Variants in CACNG2 observed in about 807,000 individuals in gnomAD.
The protein encoded by CACNG2 is voltage-dependent calcium channel gamma-2 subunit.
CACNG2 carries 3 observed loss-of-function variants against 25.9 expected under a neutral mutation model. The ratio of observed to expected loss-of-function variants is 0.12; its 90% CI spans 0.05 to 0.30. The LOEUF is 0.30. CACNG2 is among the 10% of genes least tolerant of loss of function. The pLI, the probability that CACNG2 is intolerant of heterozygous loss-of-function variation, is 1.00. For synonymous variants in CACNG2, 167 were observed against 173.3 expected, an observed-to-expected ratio of 0.96 and a Z score of 0.29; for missense variants, 341 against 432.5, an observed-to-expected ratio of 0.79 and a Z score of 1.88.
intron 1 of CACNG2, among the ~76,000 whole-genome samples, chr22:36,687,197 CT>C (rs1937212318): frequency 6.6e-6 from 1 of 152,174 alleles, no homozygotes; most frequent in African/African-American, 2.4e-5. Context: ...GAGCAGGGGT[CT>C]GCATTGTTAA....
chr22:36,567,321 G>C (rs1030044231), intron 2 of CACNG2, among the ~76,000 whole-genome samples: 1 of 152,148 alleles, frequency 6.6e-6, no homozygotes, highest in African/African-American at 2.4e-5. Flanking sequence ...TGGGTCGTGA[G>C]ACAAGGACTG....
chr22:36,593,380 TGAGGGAGTCG>T (rs1935626492), intron 1 of CACNG2, among the ~76,000 whole-genome samples: 1 of 151,996 alleles, frequency 6.6e-6, no homozygotes, highest in African/African-American at 2.4e-5. Flanking sequence ...GCGGCGGCCA[TGAGGGAGTCG>T]GACAGGTAGG....
At position 36,563,861 on chromosome 22, in the gene CACNG2, A is replaced by G. The variant is rs1329276780; in HGVS notation, c.*490T>C. 1 of 147,380 alleles carries G rather than the reference A, an allele frequency of 6.8e-6. No homozygotes were observed. The highest frequency in any genetic ancestry group is 1.5e-5 in the Non-Finnish European group (1 of 66,634). The allele number at this position is 147,380 out of a possible 1,614,324, so 9.1% of individuals were successfully genotyped here. A position where few individuals can be genotyped will look rare whatever the true frequency, so the allele number is the denominator to read the frequency against. On this transcript the variant is annotated 3_prime_UTR_variant, in exon 4 of 4. Transcript: ENST00000300105. The stretch of plus-strand genomic sequence containing the variant: ...CCCCGAGTTAAAAAAAAAAAAAAAA[A>G]GTAACATAAACCCTGAAAAATACAA...
intron 1 of CACNG2, among the ~76,000 whole-genome samples, chr22:36,641,830 A>G (rs925780637): frequency 6.6e-6 from 1 of 152,198 alleles, no homozygotes; most frequent in East Asian, 1.9e-4. Context: ...AAGTACCAAT[A>G]TTTCTGTGGA....
intron 1 of CACNG2, among the ~76,000 whole-genome samples, chr22:36,622,867 G>A (rs570423055): frequency 2.0e-5 from 3 of 151,510 alleles, no homozygotes; most frequent in African/African-American, 4.8e-5. Context: ...GCTGAGGCAC[G>A]AGAATCGCTT....
chr22:36,562,468 GGTGT>G lies in CACNG2; in HGVS notation c.*1879_*1882del, dbSNP rs143982749. 1.3e-5 allele frequency: 2 copies of G among 150,314 alleles called. No homozygotes were observed. Among genetic ancestry groups the G allele is most frequent in the East Asian group, 2.0e-4 (1 of 5,116 alleles). The allele number at this position is 150,314 out of a possible 1,614,324, so 9.3% of individuals were successfully genotyped here. On this transcript the variant is annotated 3_prime_UTR_variant, in exon 4 of 4. Coordinates refer to ENST00000300105, the MANE Select transcript of CACNG2 (RefSeq NM_006078.5). ...GGGTGCCCTTCCCATGCATGCGAGT[GGTGT>G]GTGTGTGTGTGTGGGTATGTGTGCG...
intron 1 of CACNG2, among the ~76,000 whole-genome samples, chr22:36,624,326 T>A (rs1471403597): frequency 6.6e-6 from 1 of 152,148 alleles, no homozygotes. Flanking sequence ...ACTGACTGCA[T>A]GCCAGGCACC....
chr22:36,563,377 G>T lies in CACNG2; in HGVS notation c.*974C>A, dbSNP rs1268192782. On this transcript the variant is annotated 3_prime_UTR_variant, in exon 4 of 4. Coordinates refer to ENST00000300105, the MANE Select transcript of CACNG2 (RefSeq NM_006078.5). ...TGTTTCATGTCCCCCGGGGGGGGGGGTGGCATCTCCTGACCCCAAGGACAG... is the reference window on the plus strand; with the variant it reads ...TGTTTCATGTCCCCCGGGGGGGGGGTTGGCATCTCCTGACCCCAAGGACAG... Among the ~76,000 whole-genome samples, 3 of 140,254 alleles carry T rather than the reference G, an allele frequency of 2.1e-5. No homozygotes were observed. Among genetic ancestry groups the T allele is most frequent in the Non-Finnish European group, 4.6e-5 (3 of 64,562 alleles). 92.0% of individuals were successfully genotyped at this position (140,254 alleles called of 152,430 possible). A position where few individuals can be genotyped will look rare whatever the true frequency, so the allele number is the denominator to read the frequency against.
intron 1 of CACNG2, among the ~76,000 whole-genome samples, chr22:36,657,743 G>A (rs1423683364): frequency 6.6e-6 from 1 of 152,018 alleles, no homozygotes; most frequent in Non-Finnish European, 1.5e-5. Context: ...GGCGTAATGA[G>A]CAAAAGTGTC....
chr22:36,678,614 C>T (rs1387105989), intron 1 of CACNG2, among the ~76,000 whole-genome samples: 1 of 151,022 alleles, frequency 6.6e-6, no homozygotes, highest in Non-Finnish European at 1.5e-5. Flanking sequence ...TCCCCCAGCA[C>T]ATGCGATAAC....
At chr22:36,585,603 G>T (rs1935489299) in intron 2 of CACNG2, 1 of 152,190 alleles carries the variant, frequency 6.6e-6, no homozygotes, top group East Asian at 1.9e-4. Context: ...GGCCACAAGA[G>T]CAGAGTTGGG....
chr22:36,628,313 T>G (rs1936215438), intron 1 of CACNG2, among the ~76,000 whole-genome samples: 1 of 152,206 alleles, frequency 6.6e-6, no homozygotes, highest in Admixed American at 6.5e-5. Context: ...TGCATTGACC[T>G]TAATCAACAC....
chr22:36,687,903 G>A (rs909956130), intron 1 of CACNG2, among the ~76,000 whole-genome samples: 4 of 152,250 alleles, frequency 2.6e-5, no homozygotes, highest in Non-Finnish European at 4.4e-5. Context: ...AAGAGCCTCC[G>A]GAAGGAATGC....
intron 1 of CACNG2, among the ~76,000 whole-genome samples, chr22:36,595,499 G>T (rs915650816): frequency 1.3e-5 from 2 of 152,194 alleles, no homozygotes; most frequent in Non-Finnish European, 2.9e-5. Context: ...GCACACCACT[G>T]GATGAAGGGT....
In CACNG2 at chr22:36,702,832, A is replaced by G. The variant is rs117984076; in HGVS notation, c.-256T>C. 6.7e-4 allele frequency: 218 copies of G among 323,044 alleles called. 2 individuals carry two copies. In the East Asian group the frequency reaches 0.012, roughly 18 times the overall value. The allele number at this position is 323,044 out of a possible 1,614,324, so 20.0% of individuals were successfully genotyped here. A position where few individuals can be genotyped will look rare whatever the true frequency, so the allele number is the denominator to read the frequency against. ...TGAGATCAGAAACTGTTCCAGTTGC[A>G]GTGTTTTTTTTTTAAAAAGAAAAGG... is the stretch of plus-strand genomic sequence containing the variant. On this transcript the variant is annotated 5_prime_UTR_variant, in exon 1 of 4. Coordinates refer to ENST00000300105, the MANE Select transcript of CACNG2 (RefSeq NM_006078.5).
intron 1 of CACNG2, among the ~76,000 whole-genome samples, chr22:36,630,666 C>T (rs528115582): frequency 3.3e-5 from 5 of 152,160 alleles, no homozygotes; most frequent in South Asian, 2.1e-4. Context: ...GCAACACTGT[C>T]GGGTATTATC....
chr22:36,673,051 C>A (rs945412469), intron 1 of CACNG2, among the ~76,000 whole-genome samples: 2 of 152,168 alleles, frequency 1.3e-5, no homozygotes, highest in African/African-American at 2.4e-5. Flanking sequence ...CAAGGCAAAA[C>A]CCTGTCTCTA....
chr22:36,564,063 G>A lies in CACNG2; in HGVS notation c.*288C>T, dbSNP rs143726460. The A allele has an allele frequency of 8.3e-4, 236 of 284,534 alleles. 1 individual carries two copies. The highest frequency in any genetic ancestry group is 4.5e-3 in the African/African-American group (204 of 45,102). The allele number at this position is 284,534 out of a possible 1,614,324, so 17.6% of individuals were successfully genotyped here. ...CTATTTTTAATTTTTTATCCCTCTC[G>A]CTTTTTTTTAAAGTTTGTTTTCTTC... On this transcript the variant is annotated 3_prime_UTR_variant, in exon 4 of 4. Coordinates refer to ENST00000300105, the MANE Select transcript of CACNG2 (RefSeq NM_006078.5). This position sits in a 1 kb window ranked among gnomAD's most constrained non-coding sequence, Gnocchi z 6.7.
chr22:36,683,055 G>C (rs144368591), intron 1 of CACNG2, among the ~76,000 whole-genome samples: 1 of 152,204 alleles, frequency 6.6e-6, no homozygotes, highest in Admixed American at 6.5e-5. Flanking sequence ...TGATCGCTCC[G>C]GGCCCTCCAA....
Sources: allele counts gnomAD v4.1 joint callset (sites outside exome capture counted in the v4.1 genomes callset), GRCh38; gene constraint gnomAD v4.1.1; non-coding constraint Gnocchi (gnomAD v3.1); transcripts MANE v1.5; gene names NCBI Gene and HGNC (gene_info 2026-07-23, HGNC 2026-07-21).